The following CPZ variants were observed in gnomAD, a reference collection of about 807,000 sequenced individuals.
CPZ encodes carboxypeptidase Z.
CPZ carries 103 observed loss-of-function variants against 61.8 expected under a neutral mutation model. The ratio of observed to expected loss-of-function variants is 1.67; its 90% CI spans 1.42 to 1.96. CPZ has a LOEUF of 1.96. Among genes scored for constraint, CPZ ranks in the 30% most tolerant of loss-of-function variants. The pLI is 0.00. For missense variants in CPZ, 1,461 were observed against 914.9 expected (o/e 1.60, Z -7.70); for synonymous variants, 551 against 373.7 (o/e 1.47, Z -5.47).
Position 8,619,451 on chromosome 4 carries a change from C to T in CPZ, c.1793C>T (p.Thr598Ile). 2 of 1,612,966 alleles carry T rather than the reference C, an allele frequency of 1.2e-6. No individual in the cohort carries two copies. The highest frequency in any genetic ancestry group is 1.7e-6 in the Non-Finnish European group (2 of 1,179,276). Residue 598 changes from threonine to isoleucine, a missense_variant, in exon 11 of 11, where the codon ACT becomes ATT. Thr to Ile is a moderately conservative substitution (Grantham distance 89). Transcript: ENST00000360986. ...AACTTTATTCATGGGCTGCGGAGGACTGGGCCCCACGACCCACTGGGAGGT... is the reference window on the plus strand; with the variant it reads ...AACTTTATTCATGGGCTGCGGAGGATTGGGCCCCACGACCCACTGGGAGGT... ...PKNFIHGLRRTGPHDPLGGAS... is the reference protein window; with the variant it reads ...PKNFIHGLRRIGPHDPLGGAS...
intron 9 of CPZ, chr4:8,618,179 G>C (rs532418201): frequency 7.9e-6 from 4 of 507,120 alleles, no homozygotes; most frequent in East Asian, 3.6e-5. Context: ...GCCAGGCCTC[G>C]GGTGAGATGC....
At chr4:8,614,116 T>TG (rs1217532056) in intron 8 of CPZ, among the ~76,000 whole-genome samples, 1 of 152,206 alleles carries the variant, frequency 6.6e-6, no homozygotes, top group Non-Finnish European at 1.5e-5. Context: ...ATCTGCAAAG[T>TG]GGGGATCATA....
rs979783980 is a variant in CPZ, at chr4:8,607,413, G to C, written c.1215G>C (p.Thr405=). ...AGGAGGAGAAGATGTTTTCTCCCAC[G>C]CCCGACGAGAAGGTGAGAGGGCTGT... ...HPQEEKMFSP[T]PDEKMFKLLS... Residue 405 remains threonine, a synonymous_variant, in exon 7 of 11, where the codon ACG becomes ACC. Transcript: ENST00000360986. 1 of 1,613,820 alleles carries C rather than the reference G, an allele frequency of 6.2e-7. No homozygotes were observed. Among genetic ancestry groups the C allele is most frequent in the Non-Finnish European group, 8.5e-7 (1 of 1,179,910 alleles).
rs1490185455 is a variant in CPZ, at chr4:8,606,838, G to A, written c.1008G>A (p.Ala336=). Residue 336 remains alanine, a synonymous_variant, in exon 6 of 11, where the codon GCG becomes GCA. Transcript: ENST00000360986. ...TGACGTCCGAGTACTACCGGCTGGC[G>A]GAGACCCGCGGCGCACGCAGCGACC... ...PDLTSEYYRL[A]ETRGARSDHI... is the part of the protein sequence containing the mutation. 19 of 1,613,692 alleles carry A rather than the reference G, an allele frequency of 1.2e-5. No individual in the cohort carries two copies. Among genetic ancestry groups the A allele is most frequent in the South Asian group, 2.2e-5 (2 of 91,084 alleles).
intron 7 of CPZ, chr4:8,611,292 G>A (rs1560300051): frequency 8.8e-6 from 4 of 456,190 alleles, no homozygotes; most frequent in South Asian, 6.2e-5. Flanking sequence ...CTTACAGACG[G>A]CCCAGAGCCC....
intron 1 of CPZ, among the ~76,000 whole-genome samples, chr4:8,597,816 G>C (rs535059657): frequency 6.6e-6 from 1 of 152,356 alleles, no homozygotes; most frequent in Admixed American, 6.5e-5. Context: ...ACCATAGGTC[G>C]TCTCATCTCA....
intron 2 of CPZ, 126 bp from the exon 3 acceptor site, chr4:8,600,997 C>A: frequency 7.0e-7 from 1 of 1,425,050 alleles, no homozygotes. Context: ...TGGTCCTCCC[C>A]TGCCAGACCG....
Position 8,619,640 on chromosome 4 carries a change from G to A in CPZ, c.*23G>A, listed in dbSNP as rs1303327076. On this transcript the variant is annotated 3_prime_UTR_variant, in exon 11 of 11. Coordinates refer to ENST00000360986, the MANE Select transcript of CPZ (RefSeq NM_001014447.3). ...TAGCCCCGGCCCCAGCACCCGCCAG[G>A]ATGTGGAGACCGAGGCCCATCTCCG... The A allele has an allele frequency of 1.4e-6, 2 of 1,472,306 alleles. No individual in the cohort carries two copies. Among genetic ancestry groups the A allele is most frequent in the South Asian group, 1.5e-5 (1 of 67,686 alleles). 91.2% of individuals were successfully genotyped at this position (1,472,306 alleles called of 1,614,324 possible). A position where few individuals can be genotyped will look rare whatever the true frequency, so the allele number is the denominator to read the frequency against.
Position 8,619,566 on chromosome 4 carries a change from C to A in CPZ, c.1908C>A (p.Ser636=). Reference sequence around the variant, plus strand: ...ACGGGAGTAAGCCCTGGTGGTGGTCCTACTTCACATCGCTGAGCACCCACA... The same window carrying A: ...ACGGGAGTAAGCCCTGGTGGTGGTCATACTTCACATCGCTGAGCACCCACA... The part of the protein sequence containing the change: ...SADGSKPWWW[S]YFTSLSTHRP... Residue 636 remains serine (S), a synonymous_variant, in exon 11 of 11, where the codon TCC becomes TCA. Transcript: ENST00000360986. 6.5e-7 allele frequency: 1 copy of A among 1,539,842 alleles called. No individual in the cohort carries two copies. Among genetic ancestry groups the A allele is most frequent in the Admixed American group, 2.0e-5 (1 of 50,414 alleles).
chr4:8,618,892 C>T (rs764563029), intron 10 of CPZ, among the ~76,000 whole-genome samples: 34 of 152,174 alleles, frequency 2.2e-4, no homozygotes, highest in Non-Finnish European at 4.1e-4. Flanking sequence ...CAGCCCTGTG[C>T]GGGCTCTGGC....
intron 1 of CPZ, 90 bp from the exon 2 acceptor site, chr4:8,599,363 C>G: frequency 6.8e-7 from 1 of 1,464,048 alleles, no homozygotes; most frequent in Non-Finnish European, 9.1e-7. Context: ...GGGCTGGTCC[C>G]TACCTGCACT....
rs759172996 is a variant in CPZ, at chr4:8,618,545, C to G, written c.1603+17C>G. 9.3e-6 allele frequency: 15 copies of G among 1,609,222 alleles called. No homozygotes were observed. The highest frequency in any genetic ancestry group is 1.1e-5 in the Non-Finnish European group (13 of 1,178,020). The stretch of plus-strand genomic sequence containing the variant: ...TCACCACAGGTGAGCACGTCCCTGG[C>G]TGTCCCCTGGGGACCACGTCTGCCA... On this transcript the variant is annotated intron_variant, in intron 10 of 10. Transcript: ENST00000360986.
chr4:8,616,192 G>C (rs547713278), intron 9 of CPZ, among the ~76,000 whole-genome samples: 1 of 152,324 alleles, frequency 6.6e-6, no homozygotes, highest in African/African-American at 2.4e-5. Context: ...GCGGGCTCCT[G>C]ATAAGGATCA....
At chr4:8,599,340 C>CTGGT (rs1714403340) in intron 1 of CPZ, 113 bp from the exon 2 acceptor site, 65 of 1,245,658 alleles carry the variant, frequency 5.2e-5, no homozygotes, top group Non-Finnish European at 6.8e-5. Flanking sequence ...ATGGAGCTGG[C>CTGGT]GGAGGGTGGC....
intron 9 of CPZ, among the ~76,000 whole-genome samples, chr4:8,616,577 A>G (rs1323649152): frequency 6.6e-6 from 1 of 151,538 alleles, no homozygotes; most frequent in African/African-American, 2.4e-5. Flanking sequence ...GAGGAGGAGG[A>G]GTGTGAGCTG....
intron 7 of CPZ, among the ~76,000 whole-genome samples, chr4:8,610,554 C>G (rs1001656244): frequency 7.9e-5 from 12 of 152,310 alleles, no homozygotes; most frequent in African/African-American, 2.9e-4. Flanking sequence ...CCCGAGGCTA[C>G]ACCCTGTCAA....
Position 8,618,446 on chromosome 4 carries a change from A to C in CPZ, c.1521A>C (p.Lys507Asn), listed in dbSNP as rs928497561. ...CTCTTCAGGTGCACCGGGGCATCAA[A>C]GGTGTGGTGACAGATAAATTCGGCA... ...NFVETVHRGI[K>N]GVVTDKFGKP... Residue 507 changes from lysine to asparagine, a missense_variant, in exon 10 of 11, where the codon AAA (lysine) becomes AAC (asparagine). Lys to Asn is a moderately conservative substitution (Grantham distance 94). Coordinates refer to ENST00000360986, the MANE Select transcript of CPZ (RefSeq NM_001014447.3). The C allele has an allele frequency of 2.5e-6, 4 of 1,611,060 alleles. No homozygotes were observed. Among genetic ancestry groups the C allele is most frequent in the East Asian group, 2.2e-5 (1 of 44,554 alleles).
chr4:8,614,255 A>G, intron 8 of CPZ, 104 bp from the exon 9 acceptor site: 1 of 1,467,310 alleles, frequency 6.8e-7, no homozygotes, highest in Non-Finnish European at 9.2e-7. Context: ...TGCGCGGCTG[A>G]CACCCCGGCG....
At chr4:8,592,976 G>C (rs1713906138) in intron 1 of CPZ, 55 bp downstream of exon 1, 2 of 1,368,620 alleles carry the variant, frequency 1.5e-6, no homozygotes, top group Non-Finnish European at 2.0e-6. Context: ...CCTCTGGGGA[G>C]TGTGATCCGT....
Sources: allele counts gnomAD v4.1 joint callset (sites outside exome capture counted in the v4.1 genomes callset), GRCh38; gene constraint gnomAD v4.1.1; transcripts MANE v1.5; gene names NCBI Gene and HGNC (gene_info 2026-07-23, HGNC 2026-07-21).